CPSF2: variants seen among roughly 807,000 people sequenced by gnomAD.
CPSF2 encodes cleavage and polyadenylation specific factor 2.
Under a neutral mutation model 84.2 loss-of-function variants are expected in CPSF2, and 51 were observed. The ratio of observed to expected loss-of-function variants is 0.61; its 90% CI spans 0.48 to 0.77. The LOEUF is 0.77. Ranked by LOEUF, CPSF2 falls within the 30% of genes least tolerant of loss-of-function variation. The pLI, the probability that CPSF2 is intolerant of heterozygous loss-of-function variation, is 0.00. For synonymous variants in CPSF2, 286 were observed against 311.9 expected (o/e 0.92, Z 0.87); for missense variants, 641 against 929.4 (o/e 0.69, Z 4.03).
At position 92,168,896 on chromosome 14, in the gene CPSF2, C is replaced by A. The variant is rs1435233473; in HGVS notation, c.*7152C>A. ...CTCTCTCCATATAGTCAAAGAGAAC[C>A]AAAAATGTATGTGCTTTTTTTGTGA... On this transcript the variant is annotated 3_prime_UTR_variant, in exon 16 of 16. Transcript: ENST00000298875. 1 of 152,040 alleles carries A rather than the reference C, an allele frequency of 6.6e-6. No homozygotes were observed. The highest frequency in any genetic ancestry group is 1.5e-5 in the Non-Finnish European group (1 of 68,000). The allele number at this position is 152,040 out of a possible 1,614,324, so 9.4% of individuals were successfully genotyped here.
Position 92,139,948 on chromosome 14 carries a change from CTATTTTTTT to C in CPSF2, c.661+1603_661+1611del, listed in dbSNP as rs1245910248. Among the ~76,000 whole-genome samples, 8 of 115,886 alleles carry C rather than the reference CTATTTTTTT, an allele frequency of 6.9e-5. No homozygotes were observed. The East Asian group carries it at 2.6e-3, about 37-fold the overall frequency. 76.0% of individuals were successfully genotyped at this position (115,886 alleles called of 152,430 possible). The stretch of plus-strand genomic sequence containing the variant: ...TAGTTCATCTACTTTAAAAGTACAA[CTATTTTTTT>C]TTTTTTTTTTTTTTTGAGATGGAGT... On this transcript the variant is annotated intron_variant, in intron 7 of 15. Coordinates refer to ENST00000298875, the MANE Select transcript of CPSF2 (RefSeq NM_017437.3).
chr14:92,127,789 C>T (rs2068861559), intron 2 of CPSF2, among the ~76,000 whole-genome samples: 1 of 152,126 alleles, frequency 6.6e-6, no homozygotes, highest in South Asian at 2.1e-4. Flanking sequence ...TGGATGGGAG[C>T]AGGACTATTC....
At chr14:92,123,648 C>T (rs1018609716) in intron 1 of CPSF2, among the ~76,000 whole-genome samples, 1 of 152,190 alleles carries the variant, frequency 6.6e-6, no homozygotes, top group Non-Finnish European at 1.5e-5. Context: ...ATCTGCCCTC[C>T]TCGGCCTCCC....
rs2069424872 is a variant in CPSF2 at position 92,165,020 on chromosome 14, T to G, written c.*3276T>G. On this transcript the variant is annotated 3_prime_UTR_variant, in exon 16 of 16. Coordinates refer to ENST00000298875, the MANE Select transcript of CPSF2 (RefSeq NM_017437.3). ...TTCTGGACACTTCATAAAAATTGAATAATACAATATATGAACTTTTATGTT... is the reference window on the plus strand; with the variant it reads ...TTCTGGACACTTCATAAAAATTGAAGAATACAATATATGAACTTTTATGTT... 1 of 152,228 alleles carries G rather than the reference T, an allele frequency of 6.6e-6. No individual in the cohort carries two copies. Among genetic ancestry groups the G allele is most frequent in the African/African-American group, 2.4e-5 (1 of 41,466 alleles). The allele number at this position is 152,228 out of a possible 1,614,324, so 9.4% of individuals were successfully genotyped here. A position where few individuals can be genotyped will look rare whatever the true frequency, so the allele number is the denominator to read the frequency against.
chr14:92,156,670 A>T lies in CPSF2; in HGVS notation c.1595+39A>T, dbSNP rs565177092. 28 of 1,395,958 alleles carry T rather than the reference A, an allele frequency of 2.0e-5. No homozygotes were observed. In the East Asian group the frequency reaches 2.6e-4, roughly 13 times the overall value. 86.5% of individuals were successfully genotyped at this position (1,395,958 alleles called of 1,614,324 possible). ...TGACATTTTGAAAATAGATTATAAG[A>T]TAAAATTTCAAGCATTTGAATTATA... On this transcript the variant is annotated intron_variant, in intron 12 of 15. Transcript: ENST00000298875.
chr14:92,145,959 T>A (rs191962262), intron 9 of CPSF2, among the ~76,000 whole-genome samples: 8 of 152,294 alleles, frequency 5.3e-5, no homozygotes, highest in African/African-American at 1.9e-4. Context: ...CTTGATCACA[T>A]CCAAAACAAT....
At chr14:92,130,587 G>A (rs1219113595) in intron 2 of CPSF2, among the ~76,000 whole-genome samples, 1 of 152,130 alleles carries the variant, frequency 6.6e-6, no homozygotes, top group African/African-American at 2.4e-5. Flanking sequence ...TAATACTAAT[G>A]TTTTATAGAC....
At chr14:92,130,296 G>T (rs1158741232) in intron 2 of CPSF2, among the ~76,000 whole-genome samples, 1 of 152,080 alleles carries the variant, frequency 6.6e-6, no homozygotes, top group Non-Finnish European at 1.5e-5. Context: ...GAGTTGGTGG[G>T]GGAGGGGGAG....
Position 92,148,494 on chromosome 14 carries a change from A to G in CPSF2, c.1140+5200A>G, listed in dbSNP as rs184576557. Among the ~76,000 whole-genome samples the G allele has an allele frequency of 7.9e-5, 12 of 152,198 alleles. No individual in the cohort carries two copies. In the East Asian group the frequency reaches 2.3e-3, roughly 29 times the overall value. ...CATTCACCTTTTACCGATGACCACA[A>G]TGTCCTTTATAATTACCCTTTCCTT... On this transcript the variant is annotated intron_variant, in intron 9 of 15. Transcript: ENST00000298875.
At chr14:92,132,297 C>G (rs1182206375) in intron 3 of CPSF2, among the ~76,000 whole-genome samples, 1 of 151,668 alleles carries the variant, frequency 6.6e-6, no homozygotes. Context: ...ACCCGGCCGG[C>G]TAAGTTTTTG....
At chr14:92,155,452 C>T (rs1443176020) in intron 11 of CPSF2, 129 bp downstream of exon 11, 1 of 702,144 alleles carries the variant, frequency 1.4e-6, no homozygotes. Flanking sequence ...CTTCTGAGTA[C>T]CTCAGCCTGA....
intron 5 of CPSF2, among the ~76,000 whole-genome samples, chr14:92,134,706 T>TG (rs1341688577): frequency 6.6e-6 from 1 of 152,268 alleles, no homozygotes; most frequent in Middle Eastern, 3.4e-3. Flanking sequence ...ATGTAGTGAT[T>TG]GGGGTAAATG....
At chr14:92,145,041 C>G (rs1043227000) in intron 9 of CPSF2, among the ~76,000 whole-genome samples, 2 of 152,202 alleles carry the variant, frequency 1.3e-5, no homozygotes, top group African/African-American at 4.8e-5. Flanking sequence ...TGCTTAATAA[C>G]CAGCCCATCA....
intron 9 of CPSF2, among the ~76,000 whole-genome samples, chr14:92,149,175 G>A (rs989542333): frequency 4.6e-5 from 7 of 152,098 alleles, no homozygotes; most frequent in African/African-American, 1.7e-4. Context: ...TGATGAGTAA[G>A]ATCAGTGGTG....
intron 9 of CPSF2, among the ~76,000 whole-genome samples, chr14:92,153,493 C>A (rs2069247438): frequency 1.3e-5 from 2 of 152,028 alleles, no homozygotes; most frequent in Admixed American, 6.6e-5. Context: ...TTATGTTTCC[C>A]ATTATGGCTT....
Position 92,142,268 on chromosome 14 carries a change from A to G in CPSF2, c.766A>G (p.Thr256Ala). ...LAQLLDQIWR[T>A]KDAGLGVYSL... ...TCAACTTCTTGATCAGATTTGGAGGACTAAAGATGCAGGATTGGGTGTTTA... is the reference window on the plus strand; with the variant it reads ...TCAACTTCTTGATCAGATTTGGAGGGCTAAAGATGCAGGATTGGGTGTTTA... The change falls in exon 8 of 16, where the codon ACT (threonine) becomes GCT (alanine). Residue 256 changes from threonine (T) to alanine (A), a missense_variant. Physicochemically the swap from Thr to Ala is moderately conservative, Grantham distance 58. This residue lies in a region of CPSF2 where 211 missense variants were observed against 375.7 expected (regional missense o/e 0.56). Coordinates refer to ENST00000298875, the MANE Select transcript of CPSF2 (RefSeq NM_017437.3). The G allele has an allele frequency of 6.2e-7, 1 of 1,614,104 alleles. No homozygotes were observed.
chr14:92,136,758 C>T lies in CPSF2; in HGVS notation c.545+1262C>T, dbSNP rs1393140555. On this transcript the variant is annotated intron_variant, in intron 6 of 15. Transcript: ENST00000298875. ...CTCCTTCGTTCAGTCTCGTAGTAAC[C>T]GTGGCAAACTGCAGCATGGCTATTT... is the stretch of plus-strand genomic sequence containing the variant. Among the ~76,000 whole-genome samples, 4 of 152,180 alleles carry T rather than the reference C, an allele frequency of 2.6e-5. No individual in the cohort carries two copies. In the South Asian group the frequency reaches 6.2e-4, roughly 24 times the overall value.
rs2069272358 is a variant in CPSF2 at position 92,155,165 on chromosome 14, T to C, written c.1284T>C (p.Asp428=). The change falls in exon 11 of 16, where the codon GAT becomes GAC. Residue 428 remains aspartate, a synonymous_variant. Coordinates refer to ENST00000298875, the MANE Select transcript of CPSF2 (RefSeq NM_017437.3). ...GTGATGAGAGTGATATTGAGGAAGA[T>C]ATTGACCAGCCATCAGCTCATAAGA... ...DSSDESDIEE[D]IDQPSAHKTK... 6.2e-7 allele frequency: 1 copy of C among 1,613,888 alleles called. No homozygotes were observed. The highest frequency in any genetic ancestry group is 1.3e-5 in the African/African-American group (1 of 74,902).
chr14:92,122,596 T>A (rs570178823), intron 1 of CPSF2, among the ~76,000 whole-genome samples: 1 of 152,230 alleles, frequency 6.6e-6, no homozygotes, highest in African/African-American at 2.4e-5. Flanking sequence ...ACCTTTCGGT[T>A]GTTTGTACCA....
Sources: allele counts gnomAD v4.1 joint callset (sites outside exome capture counted in the v4.1 genomes callset), GRCh38; gene constraint gnomAD v4.1.1; regional missense constraint gnomAD v4.1.1; transcripts MANE v1.5; gene names NCBI Gene and HGNC (gene_info 2026-07-23, HGNC 2026-07-21).